The following CLSTN2 variants were observed in gnomAD, a reference collection of about 807,000 sequenced individuals.
CLSTN2 encodes calsyntenin 2.
In CLSTN2, 48 loss-of-function variants were observed where a neutral mutation model predicts 101.2. That is an observed-to-expected ratio of 0.47 (90% CI 0.38 to 0.60). CLSTN2 has a LOEUF of 0.60. Among genes scored for constraint, CLSTN2 ranks in the 20% least tolerant of loss-of-function variants. CLSTN2 has a pLI of 0.00. For missense variants in CLSTN2, 1,160 were observed against 1,238.2 expected, an observed-to-expected ratio of 0.94 and a Z score of 0.95; for synonymous variants, 481 against 463.6, an observed-to-expected ratio of 1.04 and a Z score of -0.48.
chr3:140,467,587 C>T (rs1016049833), intron 8 of CLSTN2, among the ~76,000 whole-genome samples: 2 of 152,016 alleles, frequency 1.3e-5, no homozygotes, highest in African/African-American at 4.8e-5. Context: ...GGCCCCAGGA[C>T]CTCATTTTGT....
chr3:140,152,615 T>C (rs565717420), intron 1 of CLSTN2, among the ~76,000 whole-genome samples: 11 of 152,330 alleles, frequency 7.2e-5, no homozygotes, highest in African/African-American at 2.6e-4. Flanking sequence ...TGGACTACAC[T>C]GTATACATGG....
intron 1 of CLSTN2, among the ~76,000 whole-genome samples, chr3:140,140,188 G>T (rs539729108): frequency 6.6e-6 from 1 of 152,278 alleles, no homozygotes; most frequent in African/African-American, 2.4e-5. Context: ...CTCTGTCTAG[G>T]CAGCCTACAT....
At chr3:140,194,671 A>G (rs1342145871) in intron 2 of CLSTN2, among the ~76,000 whole-genome samples, 1 of 152,160 alleles carries the variant, frequency 6.6e-6, no homozygotes, top group Non-Finnish European at 1.5e-5. Flanking sequence ...TGCTTCAGCA[A>G]TGGGGGCATC....
intron 1 of CLSTN2, among the ~76,000 whole-genome samples, chr3:139,955,323 G>A (rs894316008): frequency 4.0e-5 from 6 of 151,534 alleles, no homozygotes; most frequent in Admixed American, 6.6e-5. Flanking sequence ...TCTAAAATGG[G>A]TATATTAAAC....
At chr3:140,029,649 G>T (rs186344882) in intron 1 of CLSTN2, among the ~76,000 whole-genome samples, 1 of 152,266 alleles carries the variant, frequency 6.6e-6, no homozygotes, top group Non-Finnish European at 1.5e-5. Context: ...TATAAGAAAT[G>T]CACAGAAACC....
chr3:139,951,408 C>T (rs1286724647), intron 1 of CLSTN2, among the ~76,000 whole-genome samples: 3 of 152,206 alleles, frequency 2.0e-5, no homozygotes, highest in Non-Finnish European at 4.4e-5. Flanking sequence ...AGAATAGGGT[C>T]TCCCTGGTGG....
intron 9 of CLSTN2, among the ~76,000 whole-genome samples, chr3:140,543,031 A>G (rs922383996): frequency 1.3e-5 from 2 of 152,242 alleles, no homozygotes; most frequent in African/African-American, 4.8e-5. Flanking sequence ...TTGTTCATCT[A>G]TAACTATAGA....
At chr3:139,999,510 T>C (rs2006773046) in intron 1 of CLSTN2, among the ~76,000 whole-genome samples, 1 of 152,078 alleles carries the variant, frequency 6.6e-6, no homozygotes, top group South Asian at 2.1e-4. Context: ...TCTTTAAAGG[T>C]GAATCTGAGT....
intron 2 of CLSTN2, among the ~76,000 whole-genome samples, chr3:140,355,308 G>C (rs957909310): frequency 6.6e-6 from 1 of 152,098 alleles, no homozygotes; most frequent in African/African-American, 2.4e-5. Context: ...CAGGAAATTT[G>C]TCTACAATTT....
intron 2 of CLSTN2, among the ~76,000 whole-genome samples, chr3:140,317,800 A>C (rs16850149): frequency 0.15 from 22,449 of 152,126 alleles, 1,813 homozygotes; most frequent in South Asian, 0.22. Context: ...CTCCTTAGGA[A>C]GCCTCTCTGT....
intron 8 of CLSTN2, among the ~76,000 whole-genome samples, chr3:140,477,132 C>T (rs1299629332): frequency 2.6e-5 from 4 of 152,214 alleles, no homozygotes; most frequent in Non-Finnish European, 4.4e-5. Flanking sequence ...GATTAATTTG[C>T]TCTACCATCC....
intron 1 of CLSTN2, among the ~76,000 whole-genome samples, chr3:140,172,233 C>CGG (rs1202204687): frequency 3.5e-5 from 3 of 85,718 alleles, no homozygotes; most frequent in African/African-American, 1.3e-4. Flanking sequence ...TGGGGGTGAG[C>CGG]GGGGGGGACT....
intron 2 of CLSTN2, among the ~76,000 whole-genome samples, chr3:140,379,114 T>C (rs1417114201): frequency 2.6e-5 from 4 of 152,198 alleles, no homozygotes; most frequent in Non-Finnish European, 4.4e-5. Flanking sequence ...AAGGTGCTAA[T>C]TCAAACCCCA....
At chr3:140,522,525 A>G (rs1316803403) in intron 8 of CLSTN2, among the ~76,000 whole-genome samples, 3 of 152,182 alleles carry the variant, frequency 2.0e-5, no homozygotes, top group Non-Finnish European at 4.4e-5. Flanking sequence ...GTCCATTGTC[A>G]TCTAAACTGA....
chr3:140,430,932 G>A lies in CLSTN2; in HGVS notation c.787+9658G>A, dbSNP rs1326322176. ...AGCCTATTCCAGAGGGCATCTTACT[G>A]TGTCAGAAGAAAGAGGATAGAAAAA... On this transcript the variant is annotated intron_variant, in intron 5 of 16. Coordinates refer to ENST00000458420, the MANE Select transcript of CLSTN2 (RefSeq NM_022131.3). 2.0e-5 allele frequency among the ~76,000 whole-genome samples: 3 copies of A among 152,330 alleles called. No individual in the cohort carries two copies. In the South Asian group the frequency reaches 6.2e-4, roughly 32 times the overall value.
intron 2 of CLSTN2, among the ~76,000 whole-genome samples, chr3:140,375,088 T>C (rs1244870694): frequency 6.6e-6 from 1 of 152,236 alleles, no homozygotes; most frequent in East Asian, 1.9e-4. Flanking sequence ...ATGCTCTTTG[T>C]TGCTCACAAA....
intron 2 of CLSTN2, among the ~76,000 whole-genome samples, chr3:140,369,661 T>A (rs1406389352): frequency 6.6e-6 from 1 of 152,184 alleles, no homozygotes; most frequent in Admixed American, 6.5e-5. Flanking sequence ...GCCGAGCCAC[T>A]TTGGACCAAA....
At chr3:139,981,220 C>T (rs1024110485) in intron 1 of CLSTN2, among the ~76,000 whole-genome samples, 2 of 152,178 alleles carry the variant, frequency 1.3e-5, no homozygotes, top group Non-Finnish European at 2.9e-5. Context: ...GGGAATAGTG[C>T]AGCCACCCAC....
chr3:140,321,383 G>A (rs1190810516), intron 2 of CLSTN2, among the ~76,000 whole-genome samples: 2 of 152,092 alleles, frequency 1.3e-5, no homozygotes, highest in East Asian at 1.9e-4. Flanking sequence ...TGCCAGGTGA[G>A]CATGTGTCCC....
Sources: allele counts gnomAD v4.1 joint callset (sites outside exome capture counted in the v4.1 genomes callset), GRCh38; gene constraint gnomAD v4.1.1; transcripts MANE v1.5; gene names NCBI Gene and HGNC (gene_info 2026-07-23, HGNC 2026-07-21).